The following PSMD12 variants were observed in gnomAD, a reference collection of about 807,000 sequenced individuals.
The protein encoded by PSMD12 is proteasome 26S subunit, non-ATPase 12.
PSMD12 carries 8 observed loss-of-function variants against 62.9 expected under a neutral mutation model. That is an observed-to-expected ratio of 0.13 (90% confidence interval 0.07 to 0.23). PSMD12 has a LOEUF of 0.23. Ranked by LOEUF, PSMD12 falls within the 10% of genes least tolerant of loss-of-function variation. PSMD12 has a pLI of 1.00. For synonymous variants in PSMD12, 173 were observed against 187.4 expected (o/e 0.92, Z 0.63); for missense variants, 424 against 550.2 (o/e 0.77, Z 2.29).
chr17:67,349,050 G>A (rs562060156), intron 4 of PSMD12, among the ~76,000 whole-genome samples: 15 of 152,218 alleles, frequency 9.9e-5, no homozygotes, highest in African/African-American at 3.4e-4. Context: ...ATGGAGTTTC[G>A]CTCTTGTTGC....
chr17:67,338,157 T>C lies in PSMD12; in HGVS notation c.*2686A>G, dbSNP rs1369018095. 1.3e-5 allele frequency: 2 copies of C among 152,196 alleles called. No individual in the cohort carries two copies. The highest frequency in any genetic ancestry group is 1.9e-4 in the East Asian group (1 of 5,196). The allele number at this position is 152,196 out of a possible 1,614,324, so 9.4% of individuals were successfully genotyped here. A position where few individuals can be genotyped will look rare whatever the true frequency, so the allele number is the denominator to read the frequency against. ...ATTGAACTCTAAAATAAAAAAATTATATGGAAATAAAAGGTATTTCATTTG... is the reference window on the plus strand; with the variant it reads ...ATTGAACTCTAAAATAAAAAAATTACATGGAAATAAAAGGTATTTCATTTG... On this transcript the variant is annotated 3_prime_UTR_variant, in exon 11 of 11. Coordinates refer to ENST00000356126, the MANE Select transcript of PSMD12 (RefSeq NM_002816.5).
rs11870490 is a variant in PSMD12 at position 67,350,211 on chromosome 17, T to C, written c.405+18A>G. ...AAACAGTTCATATCATTTTGAGTTA[T>C]GTCAACAGAAAATTTACCTTGCCTT... On this transcript the variant is annotated intron_variant, in intron 4 of 10. Coordinates refer to ENST00000356126, the MANE Select transcript of PSMD12 (RefSeq NM_002816.5). 18,582 of 1,532,672 alleles carry C rather than the reference T, an allele frequency of 0.012. 134 individuals carry two copies. The highest frequency in any genetic ancestry group is 0.015 in the Non-Finnish European group (16,273 of 1,113,428). The allele number at this position is 1,532,672 out of a possible 1,614,324, so 94.9% of individuals were successfully genotyped here.
chr17:67,339,712 T>C lies in PSMD12; in HGVS notation c.*1131A>G, dbSNP rs1200127196. 6.6e-6 allele frequency: 1 copy of C among 152,198 alleles called. No homozygotes were observed. Among genetic ancestry groups the C allele is most frequent in the Non-Finnish European group, 1.5e-5 (1 of 68,040 alleles). 9.4% of individuals were successfully genotyped at this position (152,198 alleles called of 1,614,324 possible). On this transcript the variant is annotated 3_prime_UTR_variant, in exon 11 of 11. Transcript: ENST00000356126. ...ACCTCACACTTTCTTTATTTAAGTA[T>C]CATTTTAAATAACCTTCTAACATTG...
At position 67,344,839 on chromosome 17, in the gene PSMD12, T is replaced by C. The variant is rs539474704; in HGVS notation, c.909-59A>G. 210 of 1,338,024 alleles carry C rather than the reference T, an allele frequency of 1.6e-4. 2 individuals carry two copies. The highest frequency in any genetic ancestry group is 2.0e-4 in the Non-Finnish European group (203 of 1,005,896). 82.9% of individuals were successfully genotyped at this position (1,338,024 alleles called of 1,614,324 possible). ...TGTAAAAATTAAGTATTAACTAATA[T>C]AATAGCAAAGTTCAAAAAATTCAGC... On this transcript the variant is annotated intron_variant, in intron 8 of 10. Transcript: ENST00000356126.
intron 10 of PSMD12, among the ~76,000 whole-genome samples, chr17:67,341,376 G>A (rs1403482662): frequency 6.7e-6 from 1 of 148,372 alleles, no homozygotes; most frequent in African/African-American, 2.5e-5. Flanking sequence ...GGCTGAGGCA[G>A]GAGAATCGCC....
In PSMD12 at chr17:67,338,458, T is replaced by C. The variant is rs1272448296; in HGVS notation, c.*2385A>G. 6.6e-6 allele frequency: 1 copy of C among 152,186 alleles called. No individual in the cohort carries two copies. Among genetic ancestry groups the C allele is most frequent in the African/African-American group, 2.4e-5 (1 of 41,446 alleles). 9.4% of individuals were successfully genotyped at this position (152,186 alleles called of 1,614,324 possible). A position where few individuals can be genotyped will look rare whatever the true frequency, so the allele number is the denominator to read the frequency against. ...ATGTTTGACAGGAAAAAACACGAAA[T>C]GGATGAACAGCTGATCGAGTCGAGT... On this transcript the variant is annotated 3_prime_UTR_variant, in exon 11 of 11. Transcript: ENST00000356126.
chr17:67,350,697 C>T (rs754361432), intron 3 of PSMD12, among the ~76,000 whole-genome samples: 6 of 152,244 alleles, frequency 3.9e-5, no homozygotes, highest in South Asian at 2.1e-4. Flanking sequence ...AAAGGCGAAA[C>T]GGTTCTACCA....
chr17:67,364,027 C>A (rs1223109709), intron 1 of PSMD12, among the ~76,000 whole-genome samples: 2 of 151,568 alleles, frequency 1.3e-5, no homozygotes, highest in Non-Finnish European at 2.9e-5. Context: ...CCAGCCTGGG[C>A]AACAAGAGCG....
intron 3 of PSMD12, among the ~76,000 whole-genome samples, chr17:67,356,459 G>A (rs2042073279): frequency 1.4e-5 from 2 of 144,838 alleles, no homozygotes; most frequent in African/African-American, 5.0e-5. Context: ...TCGGGAGGCT[G>A]AGGCAGGAGA....
rs140678333 is a variant in PSMD12 at position 67,350,908 on chromosome 17, T to C, written c.298-572A>G. The stretch of plus-strand genomic sequence containing the variant: ...TAAATTTTTGCAAATGTTCATAAAG[T>C]AGTTATTTTAGACTTTGTGGGCCAG... On this transcript the variant is annotated intron_variant, in intron 3 of 10. Transcript: ENST00000356126. Among the ~76,000 whole-genome samples, 385 of 152,286 alleles carry C rather than the reference T, an allele frequency of 2.5e-3. 2 individuals are homozygous for C. Among genetic ancestry groups the C allele is most frequent in the African/African-American group, 8.9e-3 (371 of 41,558 alleles).
In PSMD12 at chr17:67,338,671, T is replaced by C. The variant is rs2143671220; in HGVS notation, c.*2172A>G. ...GAGTTTGAGACCAGCCCGGCCAACATGATGAAACCATCTCTACTAAAAACA... is the reference window on the plus strand; with the variant it reads ...GAGTTTGAGACCAGCCCGGCCAACACGATGAAACCATCTCTACTAAAAACA... On this transcript the variant is annotated 3_prime_UTR_variant, in exon 11 of 11. Coordinates refer to ENST00000356126, the MANE Select transcript of PSMD12 (RefSeq NM_002816.5). 1 of 152,208 alleles carries C rather than the reference T, an allele frequency of 6.6e-6. No individual in the cohort carries two copies. The highest frequency in any genetic ancestry group is 1.5e-5 in the Non-Finnish European group (1 of 68,038). The allele number at this position is 152,208 out of a possible 1,614,324, so 9.4% of individuals were successfully genotyped here.
intron 3 of PSMD12, among the ~76,000 whole-genome samples, chr17:67,355,125 T>C (rs1443217057): frequency 1.4e-5 from 2 of 142,610 alleles, no homozygotes; most frequent in African/African-American, 5.1e-5. Flanking sequence ...AAGAGTCTCA[T>C]CCTGTTGCCC....
At chr17:67,359,174 G>A (rs1424571980) in intron 1 of PSMD12, among the ~76,000 whole-genome samples, 1 of 152,024 alleles carries the variant, frequency 6.6e-6, no homozygotes, top group Admixed American at 6.6e-5. Context: ...GGAAAATAGG[G>A]GCAGATCCTG....
chr17:67,358,714 A>C (rs2042102622), intron 1 of PSMD12, among the ~76,000 whole-genome samples: 1 of 152,114 alleles, frequency 6.6e-6, no homozygotes, highest in Non-Finnish European at 1.5e-5. Context: ...GAGCTAAAAG[A>C]CAGGAAACTA....
intron 3 of PSMD12, among the ~76,000 whole-genome samples, chr17:67,354,673 C>CT (rs1182476683): frequency 6.6e-6 from 1 of 152,062 alleles, no homozygotes; most frequent in Non-Finnish European, 1.5e-5. Flanking sequence ...AACCACTGAA[C>CT]TGGGCACCAA....
At chr17:67,343,866 G>A (rs1014509323) in intron 9 of PSMD12, among the ~76,000 whole-genome samples, 11 of 151,998 alleles carry the variant, frequency 7.2e-5, no homozygotes, top group African/African-American at 2.4e-4. Context: ...ACCACGCCCG[G>A]CTAATTTTTG....
At chr17:67,357,605 T>TA (rs759094131) in intron 1 of PSMD12, 27 bp from the exon 2 acceptor site, 14 of 1,595,838 alleles carry the variant, frequency 8.8e-6, no homozygotes, top group Admixed American at 5.0e-5. Flanking sequence ...AAATGAACAA[T>TA]AAAAAAACAC....
chr17:67,363,637 A>T (rs915181618), intron 1 of PSMD12, among the ~76,000 whole-genome samples: 5 of 152,230 alleles, frequency 3.3e-5, no homozygotes, highest in Middle Eastern at 3.2e-3. Flanking sequence ...TCATAGTTTG[A>T]TGGGCTCAAA....
chr17:67,350,003 A>G (rs1351754540), intron 4 of PSMD12, among the ~76,000 whole-genome samples: 1 of 152,218 alleles, frequency 6.6e-6, no homozygotes, highest in Non-Finnish European at 1.5e-5. Context: ...TAAGATACCC[A>G]ATTCCCAGAA....
Sources: gnomAD v4.1 joint callset for allele counts (sites outside exome capture counted in the v4.1 genomes callset) on GRCh38, gnomAD v4.1.1 for gene constraint, MANE v1.5 for transcripts, NCBI Gene and HGNC (gene_info 2026-07-23, HGNC 2026-07-21) for gene names.